The following CFAP54 variants were observed in gnomAD, a reference collection of about 807,000 sequenced individuals.
CFAP54 encodes the protein cilia and flagella associated protein 54.
Under a neutral mutation model 370.4 loss-of-function variants are expected in CFAP54, and 290 were observed. The observed-to-expected ratio is 0.78, with a 90% CI of 0.71 to 0.86. The LOEUF (loss-of-function observed/expected upper bound fraction) is 0.86, where lower values mean the gene tolerates loss of function less well. CFAP54 is among the 40% of genes least tolerant of loss of function. The pLI, the probability that CFAP54 is intolerant of heterozygous loss-of-function variation, is 0.00. For synonymous variants in CFAP54, 1,206 were observed against 1,236.5 expected, an observed-to-expected ratio of 0.98 and a Z score of 0.52; for missense variants, 3,399 against 3,528.7, an observed-to-expected ratio of 0.96 and a Z score of 0.93.
chr12:96,579,083 A>G (rs1329904337), intron 20 of CFAP54, among the ~76,000 whole-genome samples: 1 of 152,226 alleles, frequency 6.6e-6, no homozygotes, highest in Non-Finnish European at 1.5e-5. Flanking sequence ...GATATAAATC[A>G]TAGAACATAG....
chr12:96,875,310 T>C lies in CFAP54; in HGVS notation c.*207T>C, dbSNP rs1228838678. The C allele has an allele frequency of 3.9e-5, 6 of 152,214 alleles. No individual in the cohort carries two copies. Among genetic ancestry groups the C allele is most frequent in the Non-Finnish European group, 7.3e-5 (5 of 68,044 alleles). 9.4% of individuals were successfully genotyped at this position (152,214 alleles called of 1,614,324 possible). A position where few individuals can be genotyped will look rare whatever the true frequency, so the allele number is the denominator to read the frequency against. ...TTATGATATATACAAATACTCTAGA[T>C]ATTGCTTTGAGATTTCGCTGTTGAT... On this transcript the variant is annotated 3_prime_UTR_variant, in exon 68 of 68. Coordinates refer to ENST00000524981, the MANE Select transcript of CFAP54 (RefSeq NM_001306084.2).
At chr12:96,789,839 C>A (rs1192185278) in intron 62 of CFAP54, among the ~76,000 whole-genome samples, 1 of 152,124 alleles carries the variant, frequency 6.6e-6, no homozygotes, top group Non-Finnish European at 1.5e-5. Context: ...GCCACCTCAT[C>A]ATGTGTTCGT....
chr12:96,537,382 G>A (rs118085641), intron 12 of CFAP54, among the ~76,000 whole-genome samples: 2,227 of 151,870 alleles, frequency 0.015, 20 homozygotes, highest in Non-Finnish European at 0.023. Context: ...TTGCTCTGTC[G>A]CCAAGCTGGA....
intron 62 of CFAP54, among the ~76,000 whole-genome samples, chr12:96,790,189 A>G (rs114743254): frequency 6.6e-6 from 1 of 152,204 alleles, no homozygotes; most frequent in African/African-American, 2.4e-5. Context: ...ACTGTGCATA[A>G]TGCTGAGTTA....
rs1440840360 is a variant in CFAP54 at position 96,630,433 on chromosome 12, T to C, written c.4216-118T>C. ...CTGCTGCCTTTGATAGTAATTTTAA[T>C]TGAGGATATAAACTACTGTATTTCA... is the stretch of plus-strand genomic sequence containing the variant. On this transcript the variant is annotated intron_variant, in intron 31 of 67. Coordinates refer to ENST00000524981, the MANE Select transcript of CFAP54 (RefSeq NM_001306084.2). 4 of 641,700 alleles carry C rather than the reference T, an allele frequency of 6.2e-6. No homozygotes were observed. In the East Asian group the frequency reaches 8.7e-5, roughly 14 times the overall value. The allele number at this position is 641,700 out of a possible 1,614,324, so 39.8% of individuals were successfully genotyped here.
rs1009024569 is a variant in CFAP54, at chr12:96,648,205, T to C, written c.4690+188T>C. Among the ~76,000 whole-genome samples, 4 of 152,318 alleles carry C rather than the reference T, an allele frequency of 2.6e-5. No individual in the cohort carries two copies. In the East Asian group the frequency reaches 7.7e-4, roughly 29 times the overall value. ...GCTCTATTTTAAAAAATTTCTATAT[T>C]CTTATGATATTATTGCATATATTTG... is the stretch of plus-strand genomic sequence containing the variant. On this transcript the variant is annotated intron_variant, in intron 34 of 67. Coordinates refer to ENST00000524981, the MANE Select transcript of CFAP54 (RefSeq NM_001306084.2).
At chr12:96,823,359 C>T (rs566162256) in intron 65 of CFAP54, among the ~76,000 whole-genome samples, 67 of 152,114 alleles carry the variant, frequency 4.4e-4, no homozygotes, top group Admixed American at 1.3e-3. Context: ...ATCATTATAT[C>T]GCCAATATCT....
At chr12:96,740,374 A>G (rs1958037612) in intron 51 of CFAP54, among the ~76,000 whole-genome samples, 1 of 152,238 alleles carries the variant, frequency 6.6e-6, no homozygotes, top group South Asian at 2.1e-4. Flanking sequence ...TAGCAAATAA[A>G]GTTGTTTCCC....
At chr12:96,808,910 A>G (rs919025263) in intron 63 of CFAP54, among the ~76,000 whole-genome samples, 8 of 152,176 alleles carry the variant, frequency 5.3e-5, no homozygotes, top group African/African-American at 1.9e-4. Flanking sequence ...GAGATTACCC[A>G]GGAGGTAAAA....
intron 30 of CFAP54, among the ~76,000 whole-genome samples, chr12:96,627,276 T>G (rs1956558450): frequency 6.6e-6 from 1 of 152,186 alleles, no homozygotes; most frequent in Non-Finnish European, 1.5e-5. Flanking sequence ...ATTTACCACG[T>G]GTTTGTAATT....
chr12:96,615,387 T>G (rs992723338), intron 26 of CFAP54, among the ~76,000 whole-genome samples: 1 of 152,162 alleles, frequency 6.6e-6, no homozygotes, highest in Non-Finnish European at 1.5e-5. Context: ...ACTTAAATGT[T>G]AGACCTAAAA....
At chr12:96,813,450 G>C (rs780380362) in intron 64 of CFAP54, among the ~76,000 whole-genome samples, 19 of 152,178 alleles carry the variant, frequency 1.2e-4, no homozygotes, top group Non-Finnish European at 2.6e-4. Flanking sequence ...AAATAGGCCA[G>C]AGAAGAAGAA....
intron 66 of CFAP54, among the ~76,000 whole-genome samples, chr12:96,853,883 A>T (rs1355546430): frequency 6.6e-6 from 1 of 151,700 alleles, no homozygotes; most frequent in Non-Finnish European, 1.5e-5. Context: ...TTGACAAATG[A>T]CCACTTGTCT....
At chr12:96,556,543 C>G (rs565252386) in intron 17 of CFAP54, among the ~76,000 whole-genome samples, 1 of 152,020 alleles carries the variant, frequency 6.6e-6, no homozygotes, top group African/African-American at 2.4e-5. Flanking sequence ...TCTTACAGTT[C>G]TGGAGTCAGA....
chr12:96,721,825 G>A (rs146002680), intron 50 of CFAP54, among the ~76,000 whole-genome samples: 224 of 152,084 alleles, frequency 1.5e-3, no homozygotes, highest in African/African-American at 5.1e-3. Flanking sequence ...TAAACATGCT[G>A]GCAATAAACT....
chr12:96,707,580 G>C (rs1469174657), intron 47 of CFAP54, among the ~76,000 whole-genome samples: 1 of 152,102 alleles, frequency 6.6e-6, no homozygotes, highest in Admixed American at 6.5e-5. Context: ...GAGTTTTTGG[G>C]TTATTAAAAT....
chr12:96,825,065 G>C (rs1401402068), intron 65 of CFAP54, among the ~76,000 whole-genome samples: 1 of 149,344 alleles, frequency 6.7e-6, no homozygotes, highest in Non-Finnish European at 1.5e-5. Context: ...ACAATGCCCT[G>C]GTCCCCAATC....
chr12:96,490,912 G>A (rs1157403095), intron 1 of CFAP54, among the ~76,000 whole-genome samples: 1 of 151,866 alleles, frequency 6.6e-6, no homozygotes, highest in African/African-American at 2.4e-5. Context: ...ACAAGGAGAT[G>A]ACTGCTAGGG....
intron 66 of CFAP54, among the ~76,000 whole-genome samples, chr12:96,856,802 C>G (rs571895501): frequency 6.6e-6 from 1 of 151,372 alleles, no homozygotes; most frequent in South Asian, 2.1e-4. Flanking sequence ...CTGCCTGTTA[C>G]TCACTTCCAA....
Sources: allele counts gnomAD v4.1 joint callset (sites outside exome capture counted in the v4.1 genomes callset), GRCh38; gene constraint gnomAD v4.1.1; transcripts MANE v1.5; gene names NCBI Gene and HGNC (gene_info 2026-07-23, HGNC 2026-07-21).